The following TMEFF2 variants were observed in gnomAD, a reference collection of about 807,000 sequenced individuals.
TMEFF2 encodes the protein tomoregulin-2.
A neutral mutation model predicts 53.8 loss-of-function variants in TMEFF2; 28 were observed. That is an observed-to-expected ratio of 0.52 (90% CI 0.39 to 0.71). TMEFF2 has a LOEUF of 0.71. Among genes scored for constraint, TMEFF2 ranks in the 30% least tolerant of loss-of-function variants. The pLI, the probability that TMEFF2 is intolerant of heterozygous loss-of-function variation, is 0.00. For missense variants in TMEFF2, 353 were observed against 455.2 expected, an observed-to-expected ratio of 0.78 and a Z score of 2.04; for synonymous variants, 162 against 166.3, an observed-to-expected ratio of 0.97 and a Z score of 0.20.
intron 8 of TMEFF2, among the ~76,000 whole-genome samples, chr2:191,954,872 AAGAAAACAAT>A (rs1447472234): frequency 6.6e-6 from 1 of 152,190 alleles, no homozygotes; most frequent in Admixed American, 6.5e-5. Flanking sequence ...AATAGCTCAT[AAGAAAACAAT>A]ACTTAAAGAG....
At chr2:191,989,288 G>C (rs1197544894) in intron 7 of TMEFF2, among the ~76,000 whole-genome samples, 1 of 152,138 alleles carries the variant, frequency 6.6e-6, no homozygotes, top group Non-Finnish European at 1.5e-5. Flanking sequence ...TGGACTGAGT[G>C]GGAGGCCACC....
intron 8 of TMEFF2, among the ~76,000 whole-genome samples, chr2:191,954,049 G>A (rs1005119679): frequency 3.3e-5 from 5 of 151,912 alleles, no homozygotes; most frequent in African/African-American, 9.7e-5. Context: ...CACTATGCCC[G>A]GCTAATTTTT....
Position 191,949,993 on chromosome 2 carries a change from A to C in TMEFF2, c.*318T>G. 9.0e-7 allele frequency: 1 copy of C among 1,108,398 alleles called. No homozygotes were observed. The highest frequency in any genetic ancestry group is 1.1e-6 in the Non-Finnish European group (1 of 904,588). The allele number at this position is 1,108,398 out of a possible 1,614,324, so 68.7% of individuals were successfully genotyped here. On this transcript the variant is annotated 3_prime_UTR_variant, in exon 10 of 10. Transcript: ENST00000272771. ...GTCTGATTATATTTACAGTTATGAG[A>C]TACCGCAAATTTAAGAATGCCAATT... is the stretch of plus-strand genomic sequence containing the variant.
intron 5 of TMEFF2, among the ~76,000 whole-genome samples, chr2:192,020,200 G>C (rs1269749130): frequency 6.6e-6 from 1 of 152,046 alleles, no homozygotes; most frequent in Non-Finnish European, 1.5e-5. Flanking sequence ...TGCTAAATTT[G>C]ACAAAATGAA....
At chr2:191,977,578 T>C (rs1685763263) in intron 7 of TMEFF2, among the ~76,000 whole-genome samples, 1 of 152,240 alleles carries the variant, frequency 6.6e-6, no homozygotes. Context: ...GGTGTGTCTG[T>C]TGCTAATAAA....
At chr2:192,091,008 C>A (rs1362572396) in intron 4 of TMEFF2, among the ~76,000 whole-genome samples, 1 of 152,136 alleles carries the variant, frequency 6.6e-6, no homozygotes, top group African/African-American at 2.4e-5. Flanking sequence ...AAATATTACA[C>A]GTGGGAGATG....
At chr2:191,972,719 A>G (rs1692684402) in intron 7 of TMEFF2, among the ~76,000 whole-genome samples, 1 of 152,126 alleles carries the variant, frequency 6.6e-6, no homozygotes, top group African/African-American at 2.4e-5. Flanking sequence ...AATGGTAGGA[A>G]CTATTCCAAG....
intron 4 of TMEFF2, among the ~76,000 whole-genome samples, chr2:192,093,694 G>A (rs1332427082): frequency 1.3e-5 from 2 of 151,868 alleles, no homozygotes; most frequent in African/African-American, 2.4e-5. Context: ...AGTAGACCCC[G>A]GCCCAATCAG....
chr2:192,166,356 T>C lies in TMEFF2; in HGVS notation c.439+13312A>G, dbSNP rs115779761. On this transcript the variant is annotated intron_variant, in intron 4 of 9. Coordinates refer to ENST00000272771, the MANE Select transcript of TMEFF2 (RefSeq NM_016192.4). ...TCAAAACTCTTTATGACTTTCTTCT[T>C]TGAAATGTACACATACTTCCCAAAA... is the stretch of plus-strand genomic sequence containing the variant. Among the ~76,000 whole-genome samples the C allele has an allele frequency of 3.5e-3, 537 of 152,260 alleles. 5 individuals are homozygous for C. The highest frequency in any genetic ancestry group is 0.012 in the African/African-American group (500 of 41,572).
rs71405038 is a variant in TMEFF2 at position 192,055,774 on chromosome 2, CAAAAAAAAAA to C, written c.536+1895_536+1904del. On this transcript the variant is annotated intron_variant, in intron 5 of 9. Coordinates refer to ENST00000272771, the MANE Select transcript of TMEFF2 (RefSeq NM_016192.4). ...TGGGCGACAGAGTGAGACTCCATCT[CAAAAAAAAAA>C]AAAAAAAAAAAAAAAGAAGCGAGAC... Among the ~76,000 whole-genome samples the C allele has an allele frequency of 3.5e-4, 15 of 42,500 alleles. No homozygotes were observed. The East Asian group carries it at 0.01, about 30-fold the overall frequency. 27.9% of individuals were successfully genotyped at this position (42,500 alleles called of 152,430 possible).
Position 192,194,496 on chromosome 2 carries a change from C to A in TMEFF2, c.29G>T (p.Cys10Phe). 1 of 1,613,868 alleles carries A rather than the reference C, an allele frequency of 6.2e-7. No homozygotes were observed. Among genetic ancestry groups the A allele is most frequent in the Non-Finnish European group, 8.5e-7 (1 of 1,180,006 alleles). The change falls in exon 1 of 10, where the codon TGC (cysteine) becomes TTC (phenylalanine). Residue 10 changes from cysteine (C) to phenylalanine (F), a missense_variant. Coordinates refer to ENST00000272771, the MANE Select transcript of TMEFF2 (RefSeq NM_016192.4). The surrounding 1 kb of genome is among the most constrained non-coding windows in gnomAD (Gnocchi z 4.2). MVLWESPRQ[C>F]SSWTLCEGFC... ...GCCCTCGCAAAGTGTCCAGCTGCTG[C>A]ACTGCCGCGGGGACTCCCACAGCAC...
chr2:192,054,389 T>C (rs1443326139), intron 5 of TMEFF2, among the ~76,000 whole-genome samples: 1 of 152,174 alleles, frequency 6.6e-6, no homozygotes, highest in Non-Finnish European at 1.5e-5. Context: ...AATTTCTCCA[T>C]GACTAAGGTT....
At chr2:192,058,893 C>T (rs1211299110) in intron 4 of TMEFF2, among the ~76,000 whole-genome samples, 1 of 152,122 alleles carries the variant, frequency 6.6e-6, no homozygotes, top group African/African-American at 2.4e-5. Flanking sequence ...ACAACAAAGA[C>T]AACTTATTAA....
At chr2:191,995,551 T>C (rs1401046235) in intron 7 of TMEFF2, among the ~76,000 whole-genome samples, 1 of 152,000 alleles carries the variant, frequency 6.6e-6, no homozygotes, top group African/African-American at 2.4e-5. Context: ...AAATAGTAAT[T>C]AAGAGGACAA....
chr2:192,152,821 G>A (rs970796459), intron 4 of TMEFF2, among the ~76,000 whole-genome samples: 7 of 151,872 alleles, frequency 4.6e-5, no homozygotes, highest in Admixed American at 3.3e-4. Context: ...GGTTGATGAA[G>A]GCTGAGAACT....
chr2:192,069,865 A>G (rs1688245784), intron 4 of TMEFF2, among the ~76,000 whole-genome samples: 2 of 151,468 alleles, frequency 1.3e-5, no homozygotes, highest in South Asian at 4.1e-4. Flanking sequence ...TCCTAGCTGC[A>G]TCAAGTTTCA....
At chr2:192,092,051 C>T (rs879258293) in intron 4 of TMEFF2, among the ~76,000 whole-genome samples, 4 of 152,078 alleles carry the variant, frequency 2.6e-5, no homozygotes, top group Non-Finnish European at 5.9e-5. Flanking sequence ...AGGATTTGAA[C>T]CCTTAACTAA....
At chr2:192,090,150 C>G (rs1688758743) in intron 4 of TMEFF2, among the ~76,000 whole-genome samples, 1 of 152,136 alleles carries the variant, frequency 6.6e-6, no homozygotes, top group African/African-American at 2.4e-5. Context: ...ATAAACTTGA[C>G]TGTAAAATCT....
intron 5 of TMEFF2, among the ~76,000 whole-genome samples, chr2:192,017,024 G>C (rs1237533835): frequency 6.6e-6 from 1 of 152,204 alleles, no homozygotes; most frequent in African/African-American, 2.4e-5. Context: ...GAGTGTCAAG[G>C]TTTCCTAGAG....
Sources: gnomAD v4.1 joint callset for allele counts (sites outside exome capture counted in the v4.1 genomes callset) on GRCh38, gnomAD v4.1.1 for gene constraint, Gnocchi (gnomAD v3.1) non-coding constraint, MANE v1.5 for transcripts, NCBI Gene and HGNC (gene_info 2026-07-23, HGNC 2026-07-21) for gene names.